The following DLX1 variants were observed in gnomAD, a reference collection of about 807,000 sequenced individuals.
DLX1 encodes the protein distal-less homeobox 1.
In DLX1, 7 loss-of-function variants were observed where a neutral mutation model predicts 25.0. That is an observed-to-expected ratio of 0.28 (90% CI 0.16 to 0.52). DLX1 has a LOEUF of 0.52. Among genes scored for constraint, DLX1 ranks in the 20% least tolerant of loss-of-function variants. DLX1 has a pLI of 0.96. For missense variants in DLX1, 233 were observed against 334.4 expected, an observed-to-expected ratio of 0.70 and a Z score of 2.37; for synonymous variants, 155 against 140.3, an observed-to-expected ratio of 1.10 and a Z score of -0.74.
intron 2 of DLX1, among the ~76,000 whole-genome samples, chr2:172,087,799 G>A: frequency 6.6e-6 from 1 of 152,244 alleles, no homozygotes; most frequent in Admixed American, 6.5e-5. Flanking sequence ...GCTGACGGCG[G>A]CGGGAGGTTC....
rs1263277552 is a variant in DLX1, at chr2:172,088,466, G to A, written c.*209G>A. The A allele has an allele frequency of 7.2e-6, 4 of 552,980 alleles. No homozygotes were observed. Among genetic ancestry groups the A allele is most frequent in the Non-Finnish European group, 1.1e-5 (4 of 366,774 alleles). 34.3% of individuals were successfully genotyped at this position (552,980 alleles called of 1,614,324 possible). On this transcript the variant is annotated 3_prime_UTR_variant, in exon 3 of 3. Coordinates refer to ENST00000361725, the MANE Select transcript of DLX1 (RefSeq NM_178120.5). ...TGAACCCTGGCCTGGGCCGAGCAGT[G>A]GCAGCAGAGAGTGGCCTCGGAGGGA...
chr2:172,087,875 G>C, intron 2 of DLX1, 128 bp from the exon 3 acceptor site: 2 of 1,332,502 alleles, frequency 1.5e-6, no homozygotes, highest in South Asian at 2.9e-5. Flanking sequence ...TTCTCTGGCA[G>C]GGAGCTGCCA....
At chr2:172,087,894 A>G (rs1487159208) in intron 2 of DLX1, 109 bp from the exon 3 acceptor site, 3 of 1,420,718 alleles carry the variant, frequency 2.1e-6, no homozygotes, top group Non-Finnish European at 2.9e-6. Context: ...CAGCTGGCGC[A>G]GGGTTGGGAG....
At chr2:172,087,300 C>T (rs904486359) in intron 2 of DLX1, 3 of 372,530 alleles carry the variant, frequency 8.1e-6, no homozygotes, top group South Asian at 6.1e-5. Flanking sequence ...ATCCTTTCCT[C>T]CGCCCTCTCA....
chr2:172,086,100 G>C, intron 1 of DLX1, 110 bp downstream of exon 1: 3 of 764,578 alleles, frequency 3.9e-6, no homozygotes, highest in Non-Finnish European at 5.8e-6. Flanking sequence ...AGAGAGGAGA[G>C]CGAGGTGGGG....
intron 1 of DLX1, 75 bp from the exon 2 acceptor site, chr2:172,086,579 C>T: frequency 7.2e-7 from 1 of 1,396,254 alleles, no homozygotes; most frequent in Non-Finnish European, 9.7e-7. Context: ...CTTCGGTAGC[C>T]ACTCGCTCTC....
chr2:172,087,220 A>G (rs1026153839), intron 2 of DLX1: 8 of 429,472 alleles, frequency 1.9e-5, no homozygotes, highest in Admixed American at 5.5e-5. Flanking sequence ...GTGACTAATC[A>G]CTCGGGGCCT....
At position 172,085,519 on chromosome 2, in the gene DLX1, C is replaced by T; in HGVS notation, c.-159C>T. ...GTTTGGGGAGCTCAGCAGCATCATG[C>T]TTAGACTTTTCAAAGAGACAAACTC... is the stretch of plus-strand genomic sequence containing the variant. On this transcript the variant is annotated 5_prime_UTR_variant, in exon 1 of 3. Transcript: ENST00000361725. The surrounding 1 kb of genome is among the most constrained non-coding windows in gnomAD (Gnocchi z 4.3). 2.7e-6 allele frequency: 2 copies of T among 745,050 alleles called. No individual in the cohort carries two copies. The highest frequency in any genetic ancestry group is 4.3e-6 in the Non-Finnish European group (2 of 463,170). 46.2% of individuals were successfully genotyped at this position (745,050 alleles called of 1,614,324 possible). A position where few individuals can be genotyped will look rare whatever the true frequency, so the allele number is the denominator to read the frequency against.
At chr2:172,087,711 C>T in intron 2 of DLX1, 1 of 613,470 alleles carries the variant, frequency 1.6e-6, no homozygotes, top group South Asian at 1.5e-5. Flanking sequence ...GGACTGAGCC[C>T]CTGGCAGGCT....
rs1690931767 is a variant in DLX1 at position 172,089,397 on chromosome 2, T to C, written c.*1140T>C. The C allele has an allele frequency of 6.6e-6, 1 of 152,618 alleles. No individual in the cohort carries two copies. The highest frequency in any genetic ancestry group is 6.5e-5 in the Admixed American group (1 of 15,280). The allele number at this position is 152,618 out of a possible 1,614,324, so 9.5% of individuals were successfully genotyped here. A position where few individuals can be genotyped will look rare whatever the true frequency, so the allele number is the denominator to read the frequency against. On this transcript the variant is annotated 3_prime_UTR_variant, in exon 3 of 3. Coordinates refer to ENST00000361725, the MANE Select transcript of DLX1 (RefSeq NM_178120.5). ...ATTATTGTTATTATTATTATTGTTA[T>C]TATTGTTGTTCTGTAAACATGTTGC...
intron 1 of DLX1, 170 bp downstream of exon 1, chr2:172,086,160 T>C: frequency 1.6e-6 from 1 of 641,378 alleles, no homozygotes; most frequent in East Asian, 2.8e-5. Context: ...TATCAATCTA[T>C]AGATCCTTGT....
At position 172,089,458 on chromosome 2, in the gene DLX1, C is replaced by CT. The variant is rs2105522942; in HGVS notation, c.*1202dup. 1.3e-5 allele frequency: 2 copies of CT among 152,652 alleles called. No individual in the cohort carries two copies. The highest frequency in any genetic ancestry group is 3.9e-4 in the East Asian group (2 of 5,188). 9.5% of individuals were successfully genotyped at this position (152,652 alleles called of 1,614,324 possible). A position where few individuals can be genotyped will look rare whatever the true frequency, so the allele number is the denominator to read the frequency against. Reference sequence around the variant, plus strand: ...CCTTTTTGCGTTCTGTTGTGTGTGGCTGTAAAACCCCATGCTTTGTGAAAT... The same window carrying CT: ...CCTTTTTGCGTTCTGTTGTGTGTGGCTTGTAAAACCCCATGCTTTGTGAAAT... On this transcript the variant is annotated 3_prime_UTR_variant, in exon 3 of 3. Transcript: ENST00000361725.
In DLX1 at chr2:172,089,425, A is replaced by G. The variant is rs1308837101; in HGVS notation, c.*1168A>G. 3 of 152,722 alleles carry G rather than the reference A, an allele frequency of 2.0e-5. No individual in the cohort carries two copies. In the East Asian group the frequency reaches 5.8e-4, roughly 29 times the overall value. 9.5% of individuals were successfully genotyped at this position (152,722 alleles called of 1,614,324 possible). On this transcript the variant is annotated 3_prime_UTR_variant, in exon 3 of 3. Coordinates refer to ENST00000361725, the MANE Select transcript of DLX1 (RefSeq NM_178120.5). ...TTGTTGTTCTGTAAACATGTTGCAC[A>G]AGCTTAGCCTTTTTGCGTTCTGTTG... is the stretch of plus-strand genomic sequence containing the variant.
intron 2 of DLX1, among the ~76,000 whole-genome samples, 159 bp from the exon 3 acceptor site, chr2:172,087,844 A>G (rs1360542583): frequency 6.6e-6 from 1 of 152,050 alleles, no homozygotes; most frequent in African/African-American, 2.4e-5. Context: ...GGGGGAAGGG[A>G]GGAAGGAGGG....
At chr2:172,087,418 C>T (rs1044730913) in intron 2 of DLX1, 1 of 403,552 alleles carries the variant, frequency 2.5e-6, no homozygotes, top group African/African-American at 2.2e-5. Flanking sequence ...CGCGGGTTTC[C>T]GACGTCCGGT....
At chr2:172,086,195 A>G (rs1247292261) in intron 1 of DLX1, 7 of 603,228 alleles carry the variant, frequency 1.2e-5, no homozygotes, top group Non-Finnish European at 1.4e-5. Flanking sequence ...TTTTTTAAAA[A>G]TTCCCTCAAT....
At position 172,085,722 on chromosome 2, in the gene DLX1, G is replaced by C; in HGVS notation, c.45G>C (p.Ser15=). Reference sequence around the variant, plus strand: ...CAGAAAGTCTCAACAGCCCCGTGTCGGGCAAGGCGGTGTTTATGGAGTTTG... The same window carrying C: ...CAGAAAGTCTCAACAGCCCCGTGTCCGGCAAGGCGGTGTTTATGGAGTTTG... ...TMPESLNSPV[S]GKAVFMEFGP... The change falls in exon 1 of 3, where the codon TCG becomes TCC. Residue 15 remains serine (S), a synonymous_variant. Transcript: ENST00000361725. This position sits in a 1 kb window ranked among gnomAD's most constrained non-coding sequence, Gnocchi z 4.3. 6.2e-7 allele frequency: 1 copy of C among 1,614,082 alleles called. No individual in the cohort carries two copies. The highest frequency in any genetic ancestry group is 8.5e-7 in the Non-Finnish European group (1 of 1,180,002).
intron 1 of DLX1, 48 bp downstream of exon 1, chr2:172,086,038 G>C (rs1407563696): frequency 7.7e-6 from 11 of 1,431,338 alleles, no homozygotes; most frequent in Non-Finnish European, 1.0e-5. Context: ...ACAAGGGAGA[G>C]AGGGAAAGAA....
At position 172,088,192 on chromosome 2, in the gene DLX1, C is replaced by T. The variant is rs1363322593; in HGVS notation, c.703C>T (p.Pro235Ser). 6.2e-6 allele frequency: 10 copies of T among 1,607,744 alleles called. No individual in the cohort carries two copies. The highest frequency in any genetic ancestry group is 8.5e-6 in the Non-Finnish European group (10 of 1,176,858). The change falls in exon 3 of 3, where the codon CCC (proline) becomes TCC (serine). Residue 235 changes from proline (P) to serine (S), a missense_variant. Physicochemically the swap from Pro to Ser is moderately conservative, Grantham distance 74. Transcript: ENST00000361725. ...AGGAGGAAACGCGGGCTCCTATATC[C>T]CCAGCTACACATCGTGGTACCCTTC... The part of the protein sequence containing the change: ...GSGGNAGSYI[P>S]SYTSWYPSAH...
Sources: allele counts gnomAD v4.1 joint callset (sites outside exome capture counted in the v4.1 genomes callset), GRCh38; gene constraint gnomAD v4.1.1; non-coding constraint Gnocchi (gnomAD v3.1); transcripts MANE v1.5; gene names NCBI Gene and HGNC (gene_info 2026-07-23, HGNC 2026-07-21).